The following DNAAF11 variants were observed in gnomAD, a reference collection of about 807,000 sequenced individuals.
DNAAF11 encodes leucine rich repeat containing 6.
In DNAAF11, 45 loss-of-function variants were observed where a neutral mutation model predicts 60.8. The ratio of observed to expected loss-of-function variants is 0.74; its 90% confidence interval spans 0.58 to 0.95. The LOEUF (loss-of-function observed/expected upper bound fraction) is 0.95, where lower values mean the gene tolerates loss of function less well. Among genes scored for constraint, DNAAF11 ranks in the 40% least tolerant of loss-of-function variants. The pLI is 0.00. For missense variants in DNAAF11, 546 were observed against 546.2 expected (o/e 1.00, Z 0.00); for synonymous variants, 191 against 183.5 (o/e 1.04, Z -0.33).
chr8:132,700,086 C>T, the DNAAF11 span, among the ~76,000 whole-genome samples: 1 of 152,088 alleles, frequency 6.6e-6, no homozygotes, highest in Non-Finnish European at 1.5e-5. Context: ...AATTGTATAC[C>T]TTGAAGTGGT....
rs200393337 is a variant in DNAAF11 at position 132,647,132 on chromosome 8, A to AT, written c.257-9026dup. ...CAGCAAATGTAAAAGAACAGAAATT[A>AT]TAACAAACTGTCTCTCAGGCCACAG... is the stretch of plus-strand genomic sequence containing the variant. On this transcript the variant is annotated intron_variant, in intron 3 of 11. Transcript: ENST00000620350. Among the ~76,000 whole-genome samples, 111 of 152,366 alleles carry AT rather than the reference A, an allele frequency of 7.3e-4. 1 individual carries two copies. The East Asian group carries it at 0.017, about 23-fold the overall frequency.
intron 5 of DNAAF11, among the ~76,000 whole-genome samples, chr8:132,629,258 C>T (rs187189099): frequency 7.0e-4 from 107 of 151,840 alleles, no homozygotes; most frequent in Admixed American, 2.1e-3. Flanking sequence ...AATCCCATAG[C>T]AAACATTATA....
At chr8:132,637,495 C>T (rs1821417509) in intron 4 of DNAAF11, among the ~76,000 whole-genome samples, 1 of 151,982 alleles carries the variant, frequency 6.6e-6, no homozygotes, top group South Asian at 2.1e-4. Flanking sequence ...ATCCCAGCTA[C>T]TTGGGAAGCT....
At chr8:132,594,867 C>T (rs752583758) in intron 10 of DNAAF11, among the ~76,000 whole-genome samples, 2 of 152,078 alleles carry the variant, frequency 1.3e-5, no homozygotes, top group Non-Finnish European at 2.9e-5. Flanking sequence ...AGTGTGAGAA[C>T]GGACTAACAA....
At chr8:132,587,296 G>T (rs890931390) in intron 10 of DNAAF11, among the ~76,000 whole-genome samples, 3 of 152,110 alleles carry the variant, frequency 2.0e-5, no homozygotes, top group African/African-American at 7.2e-5. Context: ...TTCAAAGATT[G>T]TTTTAAGCTT....
rs768833485 is a variant in DNAAF11, at chr8:132,572,448, G to C, written c.1259C>G (p.Pro420Arg). 1.2e-6 allele frequency: 2 copies of C among 1,609,466 alleles called. No individual in the cohort carries two copies. The highest frequency in any genetic ancestry group is 2.2e-5 in the East Asian group (1 of 44,722). Reference protein sequence around the residue: ...SKHMEKLEVDPSKHSFPDVTN... With the variant: ...SKHMEKLEVDRSKHSFPDVTN... ...CACATCAGGGAATGAGTGCTTGCTA[G>C]GGTCTACTTCTAGTTTCTCCATGTG... Residue 420 changes from proline (P) to arginine (R), a missense_variant, in exon 12 of 12, where the codon CCT becomes CGT. Pro to Arg is a moderately radical substitution (Grantham distance 103). Transcript: ENST00000620350.
chr8:132,588,816 A>C (rs1421157608), intron 10 of DNAAF11, among the ~76,000 whole-genome samples: 1 of 152,170 alleles, frequency 6.6e-6, no homozygotes, highest in African/African-American at 2.4e-5. Flanking sequence ...GGCCTCAGGA[A>C]ACTTACAATC....
At chr8:132,641,638 C>T (rs1236919393) in intron 3 of DNAAF11, among the ~76,000 whole-genome samples, 4 of 152,050 alleles carry the variant, frequency 2.6e-5, no homozygotes, top group African/African-American at 9.7e-5. Context: ...TTAGTTGGCT[C>T]AGGTGAAAAC....
chr8:132,701,775 C>T, the DNAAF11 span, among the ~76,000 whole-genome samples: 2 of 152,160 alleles, frequency 1.3e-5, no homozygotes, highest in Non-Finnish European at 2.9e-5. Context: ...TGGCACTTCC[C>T]TTACAATAAA....
At chr8:132,690,095 AT>A in the DNAAF11 span, among the ~76,000 whole-genome samples, 1 of 152,260 alleles carries the variant, frequency 6.6e-6, no homozygotes, top group Admixed American at 6.5e-5. Flanking sequence ...TAATTTTTAG[AT>A]TTTCAGTTTG....
chr8:132,608,422 C>A, intron 10 of DNAAF11: 1 of 426,192 alleles, frequency 2.3e-6, no homozygotes, highest in South Asian at 1.7e-5. Flanking sequence ...CCTCATAAGC[C>A]ATTTATTATT....
chr8:132,622,652 C>G lies in DNAAF11; in HGVS notation c.873G>C (p.Leu291Phe), dbSNP rs757257028. The G allele has an allele frequency of 1.2e-6, 2 of 1,613,618 alleles. No individual in the cohort carries two copies. Among genetic ancestry groups the G allele is most frequent in the African/African-American group, 2.7e-5 (2 of 74,898 alleles). Residue 291 changes from leucine to phenylalanine, a missense_variant, in exon 7 of 12, where the codon TTG becomes TTC. Physicochemically the swap from Leu to Phe is conservative, Grantham distance 22. Transcript: ENST00000620350. ...TTAGGGCTTTCCCATCTTCAGTGAT[C>G]AAAGTCCTGGGTGGTTTCACTTTCT... ...KKKKVKPPRTLITEDGKALNV... is the reference protein window; with the variant it reads ...KKKKVKPPRTFITEDGKALNV...
intron 10 of DNAAF11, among the ~76,000 whole-genome samples, chr8:132,591,251 CT>C (rs887510996): frequency 1.1e-4 from 16 of 151,126 alleles, no homozygotes; most frequent in Non-Finnish European, 2.2e-4. Flanking sequence ...AACTAAAAAA[CT>C]TTTTTTTTAA....
chr8:132,659,079 G>A (rs1392449120), intron 2 of DNAAF11, among the ~76,000 whole-genome samples: 1 of 152,192 alleles, frequency 6.6e-6, no homozygotes, highest in African/African-American at 2.4e-5. Context: ...GGAAGCTGTT[G>A]AAAGGGTTGA....
In DNAAF11 at chr8:132,625,327, T is replaced by G. The variant is rs1338704961; in HGVS notation, c.781A>C (p.Arg261=). ...TCCATGTGTCTAAGAGTTTCCAATC[T>G]TGATTCAGGAGTAAACAAACAGGGC... ...NKPCLFTPES[R]LETLRHMEKQ... Residue 261 remains arginine (R), a synonymous_variant, in exon 6 of 12, where the codon AGA becomes CGA. Coordinates refer to ENST00000620350, the MANE Select transcript of DNAAF11 (RefSeq NM_012472.6). 6.2e-7 allele frequency: 1 copy of G among 1,613,016 alleles called. No individual in the cohort carries two copies. Among genetic ancestry groups the G allele is most frequent in the Non-Finnish European group, 8.5e-7 (1 of 1,179,540 alleles).
Position 132,610,312 on chromosome 8 carries a change from G to C in DNAAF11, c.1045-51C>G, listed in dbSNP as rs1003464134. ...CATTGAGAGCAAGGACGTTACATGAGAGGGTTACTAAAAGGGGCATTTTCA... is the reference window on the plus strand; with the variant it reads ...CATTGAGAGCAAGGACGTTACATGACAGGGTTACTAAAAGGGGCATTTTCA... On this transcript the variant is annotated intron_variant, in intron 9 of 11. Coordinates refer to ENST00000620350, the MANE Select transcript of DNAAF11 (RefSeq NM_012472.6). 6 of 1,226,554 alleles carry C rather than the reference G, an allele frequency of 4.9e-6. No homozygotes were observed. In the South Asian group the frequency reaches 6.1e-5, roughly 12 times the overall value. The allele number at this position is 1,226,554 out of a possible 1,614,324, so 76.0% of individuals were successfully genotyped here.
intron 6 of DNAAF11, among the ~76,000 whole-genome samples, chr8:132,623,553 A>G (rs560003125): frequency 6.6e-6 from 1 of 152,304 alleles, no homozygotes; most frequent in South Asian, 2.1e-4. Context: ...AAAATGCAGT[A>G]TGTAAATTCT....
intron 10 of DNAAF11, among the ~76,000 whole-genome samples, chr8:132,584,838 G>A (rs553568616): frequency 6.6e-6 from 1 of 152,196 alleles, no homozygotes; most frequent in East Asian, 1.9e-4. Flanking sequence ...AAAAGACTAG[G>A]CCTGGACTTC....
chr8:132,683,089 A>T, the DNAAF11 span, among the ~76,000 whole-genome samples: 1 of 152,226 alleles, frequency 6.6e-6, no homozygotes, highest in East Asian at 1.9e-4. Context: ...TCCACATAAT[A>T]GCAGATGGAT....
Sources: gnomAD v4.1 joint callset for allele counts (sites outside exome capture counted in the v4.1 genomes callset) on GRCh38, gnomAD v4.1.1 for gene constraint, MANE v1.5 for transcripts, NCBI Gene and HGNC (gene_info 2026-07-23, HGNC 2026-07-21) for gene names.